Variants in WNT5B observed in about 807,000 individuals in gnomAD.
WNT5B encodes protein Wnt-5b.
WNT5B carries 18 observed loss-of-function variants against 36.5 expected under a neutral mutation model. The observed-to-expected ratio is 0.49, with a 90% CI of 0.34 to 0.73. The LOEUF is 0.73. Ranked by LOEUF, WNT5B falls within the 30% of genes least tolerant of loss-of-function variation. The probability of loss-of-function intolerance (pLI) is 0.01; values close to 1 mark genes in which losing one functional copy is unlikely to be tolerated. For missense variants in WNT5B, 424 were observed against 508.4 expected (o/e 0.83, Z 1.60); for synonymous variants, 213 against 212.3 (o/e 1.00, Z -0.03).
intron 3 of WNT5B, among the ~76,000 whole-genome samples, chr12:1,634,276 C>G (rs987074213): frequency 2.0e-5 from 3 of 152,128 alleles, no homozygotes; most frequent in Admixed American, 2.0e-4. Context: ...TTCTTTCTGG[C>G]GAAAATCTTG....
intron 1 of WNT5B, among the ~76,000 whole-genome samples, chr12:1,619,329 A>G (rs2094530807): frequency 6.6e-6 from 1 of 152,200 alleles, no homozygotes; most frequent in African/African-American, 2.4e-5. Flanking sequence ...ATCACACAAA[A>G]GAATACTATG....
upstream of WNT5B, among the ~76,000 whole-genome samples, chr12:1,628,345 G>A (rs532486981): frequency 6.6e-6 from 1 of 152,140 alleles, no homozygotes. Flanking sequence ...TTTATTACAG[G>A]TGAGCTTTCA....
chr12:1,638,132 C>T (rs2094565723), intron 3 of WNT5B, among the ~76,000 whole-genome samples: 1 of 152,108 alleles, frequency 6.6e-6, no homozygotes. Context: ...TTTGTAGTCC[C>T]ATATACCGGA....
At chr12:1,640,188 T>C (rs934439438) in intron 4 of WNT5B, among the ~76,000 whole-genome samples, 1 of 152,220 alleles carries the variant, frequency 6.6e-6, no homozygotes, top group East Asian at 1.9e-4. Context: ...TTTTCTTTTC[T>C]TTTCTTCTTT....
chr12:1,638,989 C>A (rs1285123289), intron 3 of WNT5B, among the ~76,000 whole-genome samples: 1 of 152,184 alleles, frequency 6.6e-6, no homozygotes, highest in Non-Finnish European at 1.5e-5. Context: ...TCCTTAGCCT[C>A]ATTCTGTTCG....
At chr12:1,631,620 C>G (rs2094551039) in intron 2 of WNT5B, among the ~76,000 whole-genome samples, 186 bp downstream of exon 2, 1 of 152,210 alleles carries the variant, frequency 6.6e-6, no homozygotes, top group Non-Finnish European at 1.5e-5. Flanking sequence ...GTAAGGGTTC[C>G]CTGAGGATAA....
chr12:1,631,535 T>G, intron 2 of WNT5B, 101 bp downstream of exon 2: 1 of 1,569,492 alleles, frequency 6.4e-7, no homozygotes, highest in African/African-American at 1.4e-5. Flanking sequence ...GTACCTTGAT[T>G]CCTGGGAGTA....
chr12:1,632,793 A>T lies in WNT5B; in HGVS notation c.216A>T (p.Ile72=). The part of the protein sequence containing the change: ...CQLYQEHMAY[I]GEGAKTGIKE... ...TGTACCAGGAGCACATGGCCTACAT[A>T]GGGGAGGGAGCCAAGACTGGCATCA... The change falls in exon 3 of 5, where the codon ATA becomes ATT. Residue 72 remains isoleucine (I), a synonymous_variant. Transcript: ENST00000397196. This position sits in a 1 kb window ranked among gnomAD's most constrained non-coding sequence, Gnocchi z 5.8. 1.2e-6 allele frequency: 2 copies of T among 1,614,174 alleles called. No homozygotes were observed. The highest frequency in any genetic ancestry group is 1.7e-6 in the Non-Finnish European group (2 of 1,180,018).
At chr12:1,629,437 T>A (rs1011091411) in intron 1 of WNT5B, 66 bp downstream of exon 1, 1 of 151,650 alleles carries the variant, frequency 6.6e-6, no homozygotes, top group African/African-American at 2.4e-5. Flanking sequence ...TATCTGGTGG[T>A]GGAAATGTGT....
chr12:1,628,402 C>T (rs1053766261), upstream of WNT5B, among the ~76,000 whole-genome samples: 31 of 152,186 alleles, frequency 2.0e-4, no homozygotes, highest in African/African-American at 7.0e-4. Flanking sequence ...AGGTGATCTG[C>T]CCACCTTGGC....
At chr12:1,631,083 T>C (rs751182727) in intron 1 of WNT5B, 2 of 336,494 alleles carry the variant, frequency 5.9e-6, no homozygotes, top group Non-Finnish European at 1.1e-5. Flanking sequence ...GGAAATTAGG[T>C]CCTGTGCAGG....
chr12:1,619,647 T>C (rs1415105485), intron 1 of WNT5B, among the ~76,000 whole-genome samples: 1 of 151,878 alleles, frequency 6.6e-6, no homozygotes, highest in South Asian at 2.1e-4. Context: ...TAGTAATAAC[T>C]GACCAAAAAA....
intron 2 of WNT5B, among the ~76,000 whole-genome samples, chr12:1,631,965 T>C (rs1411656828): frequency 6.6e-6 from 1 of 152,152 alleles, no homozygotes; most frequent in African/African-American, 2.4e-5. Flanking sequence ...TTTACTCAGA[T>C]AGCAAATCTG....
Position 1,632,669 on chromosome 12 carries a change from T to C in WNT5B, c.92T>C (p.Leu31Ser). 1.2e-6 allele frequency: 2 copies of C among 1,604,176 alleles called. No homozygotes were observed. The highest frequency in any genetic ancestry group is 8.5e-7 in the Non-Finnish European group (1 of 1,171,542). Residue 31 changes from leucine (L) to serine (S), a missense_variant, in exon 3 of 5, where the codon TTG becomes TCG. Physicochemically the swap from Leu to Ser is moderately radical, Grantham distance 145. Coordinates refer to ENST00000397196, the MANE Select transcript of WNT5B (RefSeq NM_032642.3). The surrounding 1 kb of genome is among the most constrained non-coding windows in gnomAD (Gnocchi z 5.8). ...GATTGCTGTCCTAGGTCATTAGCTT[T>C]GAACCCGGTGCAGAGACCCGAGATG... The part of the protein sequence containing the change: ...TDANSWWSLA[L>S]NPVQRPEMFI...
chr12:1,626,257 C>T (rs934096597), upstream of WNT5B, among the ~76,000 whole-genome samples: 3 of 150,498 alleles, frequency 2.0e-5, no homozygotes, highest in African/African-American at 7.3e-5. Flanking sequence ...CTGCACCTGG[C>T]CACAAGTGTA....
At chr12:1,643,688 T>TC (rs753038757) in intron 4 of WNT5B, among the ~76,000 whole-genome samples, 117 of 123,108 alleles carry the variant, frequency 9.5e-4, no homozygotes, top group African/African-American at 3.9e-3. Flanking sequence ...TTTGAAAGCT[T>TC]TTTTTTTTTT....
chr12:1,636,535 ATATATACTT>A (rs1764238492), intron 3 of WNT5B, among the ~76,000 whole-genome samples: 1 of 26,880 alleles, frequency 3.7e-5, no homozygotes, highest in African/African-American at 1.3e-4. Flanking sequence ...ATATATATAT[ATATATACTT>A]TTTTTTTTTT....
chr12:1,642,021 C>G (rs982594798), intron 4 of WNT5B, among the ~76,000 whole-genome samples: 3 of 152,188 alleles, frequency 2.0e-5, no homozygotes, highest in African/African-American at 7.2e-5. Flanking sequence ...CTTCCCCTAT[C>G]CAGAGGCTAT....
At chr12:1,638,312 A>T (rs987192641) in intron 3 of WNT5B, among the ~76,000 whole-genome samples, 1 of 152,244 alleles carries the variant, frequency 6.6e-6, no homozygotes, top group Non-Finnish European at 1.5e-5. Context: ...TGAGCATAGT[A>T]AAACGAGGAG....
Sources: gnomAD v4.1 joint callset for allele counts (sites outside exome capture counted in the v4.1 genomes callset) on GRCh38, gnomAD v4.1.1 for gene constraint, Gnocchi (gnomAD v3.1) non-coding constraint, MANE v1.5 for transcripts, NCBI Gene and HGNC (gene_info 2026-07-23, HGNC 2026-07-21) for gene names.